The following PPM1L variants were observed in gnomAD, a reference collection of about 807,000 sequenced individuals.
The protein encoded by PPM1L is protein phosphatase, Mg2+/Mn2+ dependent 1L.
A neutral mutation model predicts 31.4 loss-of-function variants in PPM1L; 13 were observed. The ratio of observed to expected loss-of-function variants is 0.41; its 90% confidence interval spans 0.27 to 0.66. PPM1L has a LOEUF of 0.66. PPM1L is among the 30% of genes least tolerant of loss of function. The pLI is 0.29. For synonymous variants in PPM1L, 184 were observed against 175.4 expected (o/e 1.05, Z -0.39); for missense variants, 326 against 453.7 (o/e 0.72, Z 2.56).
At chr3:160,931,078 C>G (rs747012193) in intron 1 of PPM1L, among the ~76,000 whole-genome samples, 1 of 152,156 alleles carries the variant, frequency 6.6e-6, no homozygotes, top group Non-Finnish European at 1.5e-5. Flanking sequence ...GCTCTTCTAA[C>G]TAAATGTATA....
intron 1 of PPM1L, among the ~76,000 whole-genome samples, chr3:160,940,265 G>C (rs1362015141): frequency 6.6e-6 from 1 of 152,196 alleles, no homozygotes; most frequent in Non-Finnish European, 1.5e-5. Flanking sequence ...TTTGGAGCCT[G>C]ACTATGCAAT....
At chr3:160,904,723 AGAGG>A in intron 1 of PPM1L, among the ~76,000 whole-genome samples, 1 of 117,292 alleles carries the variant, frequency 8.5e-6, no homozygotes, top group African/African-American at 2.7e-5. Flanking sequence ...TATGGGGGGA[AGAGG>A]GAGAGAGAGA....
intron 2 of PPM1L, among the ~76,000 whole-genome samples, chr3:161,051,403 C>CACAA (rs1491153188): frequency 7.4e-5 from 11 of 147,934 alleles, no homozygotes; most frequent in African/African-American, 2.2e-4. Flanking sequence ...CACACACACA[C>CACAA]AACCATCCTG....
intron 1 of PPM1L, among the ~76,000 whole-genome samples, chr3:160,910,259 TTTCCCC>T (rs762928108): frequency 6.0e-5 from 3 of 50,050 alleles, no homozygotes; most frequent in Non-Finnish European, 1.0e-4. Context: ...CCCCTTCCCC[TTTCCCC>T]TTCCCCTTCC....
At chr3:160,975,535 CT>C (rs903854351) in intron 2 of PPM1L, among the ~76,000 whole-genome samples, 2 of 152,034 alleles carry the variant, frequency 1.3e-5, no homozygotes, top group Non-Finnish European at 2.9e-5. Context: ...TGTTTGTATC[CT>C]TTTTTATTTC....
chr3:160,940,242 A>G (rs1715118123), intron 1 of PPM1L, among the ~76,000 whole-genome samples: 1 of 152,226 alleles, frequency 6.6e-6, no homozygotes, highest in Non-Finnish European at 1.5e-5. Flanking sequence ...GCAGAGCACA[A>G]GCATTTGGAA....
intron 2 of PPM1L, among the ~76,000 whole-genome samples, chr3:161,017,088 AC>A (rs1718108216): frequency 6.6e-6 from 1 of 152,140 alleles, no homozygotes; most frequent in Admixed American, 6.6e-5. Context: ...ACATTTCATT[AC>A]TGTACTTAGA....
intron 2 of PPM1L, among the ~76,000 whole-genome samples, chr3:161,030,502 A>G (rs567136941): frequency 1.3e-5 from 2 of 152,338 alleles, no homozygotes; most frequent in South Asian, 2.1e-4. Flanking sequence ...TCTGTTATCT[A>G]TAAATCACCT....
intron 1 of PPM1L, among the ~76,000 whole-genome samples, chr3:160,943,966 G>A (rs977236022): frequency 4.6e-5 from 7 of 152,162 alleles, no homozygotes; most frequent in Non-Finnish European, 1.0e-4. Flanking sequence ...AGATGGCAAA[G>A]TTTATAATTT....
intron 1 of PPM1L, among the ~76,000 whole-genome samples, chr3:160,757,327 T>A (rs1419539991): frequency 6.6e-6 from 1 of 152,254 alleles, no homozygotes; most frequent in East Asian, 1.9e-4. Context: ...TTGTTTTCAC[T>A]AGGATCTCAG....
chr3:160,841,422 A>G (rs1357537171), intron 1 of PPM1L, among the ~76,000 whole-genome samples: 1 of 152,084 alleles, frequency 6.6e-6, no homozygotes, highest in Non-Finnish European at 1.5e-5. Flanking sequence ...TGTTTCTAGA[A>G]TAAGGAAAAG....
intron 2 of PPM1L, among the ~76,000 whole-genome samples, chr3:160,974,306 A>G (rs1210457560): frequency 6.6e-6 from 1 of 151,632 alleles, no homozygotes; most frequent in African/African-American, 2.4e-5. Context: ...AGTCTTTGCT[A>G]TTGTGAATAA....
intron 2 of PPM1L, among the ~76,000 whole-genome samples, chr3:161,059,404 T>C (rs1719510412): frequency 6.6e-6 from 1 of 152,102 alleles, no homozygotes; most frequent in South Asian, 2.1e-4. Flanking sequence ...GTAAAGTGTA[T>C]TTTGCTACAT....
chr3:160,862,706 A>C (rs1353657570), intron 1 of PPM1L, among the ~76,000 whole-genome samples: 2 of 114,088 alleles, frequency 1.8e-5, no homozygotes, highest in African/African-American at 5.2e-5. Flanking sequence ...ACACACACAA[A>C]ATTCTGAAAC....
chr3:160,971,398 A>T (rs1488272656), intron 2 of PPM1L, among the ~76,000 whole-genome samples: 1 of 152,234 alleles, frequency 6.6e-6, no homozygotes, highest in African/African-American at 2.4e-5. Context: ...AAATGCTCAG[A>T]TGACCACGTG....
chr3:160,778,350 T>A (rs1711622364), intron 1 of PPM1L, among the ~76,000 whole-genome samples: 1 of 152,170 alleles, frequency 6.6e-6, no homozygotes, highest in South Asian at 2.1e-4. Context: ...ACTTTTTATA[T>A]TGATATAATT....
At chr3:160,816,453 G>A (rs1228172979) in intron 1 of PPM1L, among the ~76,000 whole-genome samples, 2 of 149,744 alleles carry the variant, frequency 1.3e-5, no homozygotes, top group Admixed American at 1.3e-4. Flanking sequence ...CAGTTAAAAT[G>A]TGAGATTTAA....
chr3:160,861,237 G>C (rs1486840878), intron 1 of PPM1L, among the ~76,000 whole-genome samples: 2 of 152,176 alleles, frequency 1.3e-5, no homozygotes, highest in Non-Finnish European at 2.9e-5. Flanking sequence ...AAGTTGTATA[G>C]AGTAAGGATT....
chr3:160,897,136 G>A (rs1286105908), intron 1 of PPM1L, among the ~76,000 whole-genome samples: 2 of 149,110 alleles, frequency 1.3e-5, no homozygotes, highest in East Asian at 2.1e-4. Flanking sequence ...TCCACCTCCC[G>A]GGTTCAAGTG....
Sources: gnomAD v4.1 joint callset for allele counts (sites outside exome capture counted in the v4.1 genomes callset) on GRCh38, gnomAD v4.1.1 for gene constraint, MANE v1.5 for transcripts, NCBI Gene and HGNC (gene_info 2026-07-23, HGNC 2026-07-21) for gene names.